The following MREG variants were observed in gnomAD, a reference collection of about 807,000 sequenced individuals.
MREG encodes dilute suppressor protein homolog.
Under a neutral mutation model 28.5 loss-of-function variants are expected in MREG, and 31 were observed. That is an observed-to-expected ratio of 1.09 (90% CI 0.82 to 1.47). MREG has a LOEUF of 1.47. Ranked by LOEUF, MREG falls within the 40% of genes most tolerant of loss-of-function variation. The probability of loss-of-function intolerance (pLI) is 0.00; values close to 1 mark genes in which losing one functional copy is unlikely to be tolerated. For synonymous variants in MREG, 106 were observed against 95.2 expected (o/e 1.11, Z -0.66); for missense variants, 256 against 257.4 (o/e 0.99, Z 0.04).
chr2:215,949,725 C>A (rs1201013178), intron 2 of MREG, among the ~76,000 whole-genome samples: 2 of 152,164 alleles, frequency 1.3e-5, no homozygotes, highest in Non-Finnish European at 2.9e-5. Context: ...ATTATTTCAT[C>A]TTTCTGGATG....
At chr2:215,994,826 T>C (rs1693822812) in intron 2 of MREG, among the ~76,000 whole-genome samples, 2 of 152,154 alleles carry the variant, frequency 1.3e-5, no homozygotes, top group South Asian at 4.1e-4. Context: ...AGCTGCCAAA[T>C]TCAGCTCCAG....
chr2:216,026,974 G>A (rs1183305668), intron 1 of MREG, among the ~76,000 whole-genome samples: 1 of 152,166 alleles, frequency 6.6e-6, no homozygotes, highest in Non-Finnish European at 1.5e-5. Context: ...TTAAACATGA[G>A]AGATAACTTC....
intron 2 of MREG, among the ~76,000 whole-genome samples, chr2:215,979,322 G>A (rs1409329201): frequency 6.6e-6 from 1 of 151,808 alleles, no homozygotes; most frequent in Non-Finnish European, 1.5e-5. Context: ...AATTAGCCGG[G>A]CATGGTGGCG....
intron 1 of MREG, among the ~76,000 whole-genome samples, chr2:216,020,028 A>G (rs1295449990): frequency 6.6e-6 from 1 of 152,184 alleles, no homozygotes. Flanking sequence ...CAGGGAGGAA[A>G]AAAAAACACA....
chr2:216,028,650 T>C (rs564209849), intron 1 of MREG, among the ~76,000 whole-genome samples: 1 of 152,196 alleles, frequency 6.6e-6, no homozygotes, highest in African/African-American at 2.4e-5. Context: ...TTTCCAGTAA[T>C]TGTGTATTTA....
At position 215,942,834 on chromosome 2, in the gene MREG, T is replaced by C. The variant is rs935803121; in HGVS notation, c.*2029A>G. 1 of 152,626 alleles carries C rather than the reference T, an allele frequency of 6.6e-6. No homozygotes were observed. The highest frequency in any genetic ancestry group is 2.4e-5 in the African/African-American group (1 of 41,476). 9.5% of individuals were successfully genotyped at this position (152,626 alleles called of 1,614,324 possible). A position where few individuals can be genotyped will look rare whatever the true frequency, so the allele number is the denominator to read the frequency against. ...TTATTTATTTTATTGTTTGTTTCAC[T>C]GTTTGAATGTTTATCTTGCGAGAGT... On this transcript the variant is annotated 3_prime_UTR_variant, in exon 5 of 5. Transcript: ENST00000263268.
intron 1 of MREG, among the ~76,000 whole-genome samples, chr2:216,011,555 A>G (rs778476511): frequency 4.6e-5 from 7 of 152,228 alleles, no homozygotes; most frequent in Non-Finnish European, 8.8e-5. Flanking sequence ...AAATAATTTT[A>G]ATAACTTGTG....
chr2:215,992,182 A>G (rs1693736789), intron 2 of MREG, among the ~76,000 whole-genome samples: 1 of 152,246 alleles, frequency 6.6e-6, no homozygotes, highest in African/African-American at 2.4e-5. Context: ...GCAGCACATC[A>G]AAAAGCTTAT....
At chr2:216,026,413 T>C (rs778398024) in intron 1 of MREG, among the ~76,000 whole-genome samples, 11 of 152,214 alleles carry the variant, frequency 7.2e-5, no homozygotes, top group Admixed American at 1.3e-4. Context: ...TTGCCCAGGC[T>C]GGAGTGCAGT....
At chr2:215,994,803 C>T (rs1164753561) in intron 2 of MREG, among the ~76,000 whole-genome samples, 3 of 152,122 alleles carry the variant, frequency 2.0e-5, no homozygotes, top group Non-Finnish European at 4.4e-5. Flanking sequence ...AAGGTGGGAG[C>T]TCCTCCAGGG....
At chr2:215,949,075 C>CTAATAATAATAA (rs749047005) in intron 2 of MREG, among the ~76,000 whole-genome samples, 2 of 102,506 alleles carry the variant, frequency 2.0e-5, no homozygotes, top group East Asian at 2.7e-4. Flanking sequence ...ACTACTACTA[C>CTAATAATAATAA]TACTACTACT....
intron 1 of MREG, among the ~76,000 whole-genome samples, chr2:216,030,575 G>A (rs925514228): frequency 6.6e-6 from 1 of 151,426 alleles, no homozygotes; most frequent in African/African-American, 2.4e-5. Flanking sequence ...ACGGGGTCTC[G>A]CCCTGTCACC....
intron 2 of MREG, among the ~76,000 whole-genome samples, chr2:215,977,984 A>G (rs1354642682): frequency 6.6e-6 from 1 of 152,180 alleles, no homozygotes; most frequent in African/African-American, 2.4e-5. Flanking sequence ...GAGAAACAAG[A>G]GCAAACAAAT....
chr2:215,956,455 A>G (rs1394683543), intron 2 of MREG, among the ~76,000 whole-genome samples: 1 of 152,178 alleles, frequency 6.6e-6, no homozygotes, highest in Non-Finnish European at 1.5e-5. Context: ...GGTAGGTGAT[A>G]CAGAAAATAA....
At chr2:215,966,665 G>A (rs1438869576) in intron 2 of MREG, among the ~76,000 whole-genome samples, 9 of 147,624 alleles carry the variant, frequency 6.1e-5, no homozygotes, top group East Asian at 2.0e-4. Flanking sequence ...GCAGTGGCAC[G>A]ATCTCGGCTC....
rs896987101 is a variant in MREG at position 215,944,326 on chromosome 2, A to T, written c.*537T>A. 5 of 152,256 alleles carry T rather than the reference A, an allele frequency of 3.3e-5. No homozygotes were observed. Among genetic ancestry groups the T allele is most frequent in the African/African-American group, 1.2e-4 (5 of 41,434 alleles). 9.4% of individuals were successfully genotyped at this position (152,256 alleles called of 1,614,324 possible). A position where few individuals can be genotyped will look rare whatever the true frequency, so the allele number is the denominator to read the frequency against. On this transcript the variant is annotated 3_prime_UTR_variant, in exon 5 of 5. Transcript: ENST00000263268. ...GATACATCTATACTTCTGAATAATC[A>T]TAACTGATACTCAAAGAGATGCCCT...
At chr2:215,995,293 A>G (rs1574638025) in intron 2 of MREG, among the ~76,000 whole-genome samples, 1 of 152,322 alleles carries the variant, frequency 6.6e-6, no homozygotes, top group Non-Finnish European at 1.5e-5. Flanking sequence ...AGCAGAGGCA[A>G]CTGCCGGCCC....
chr2:215,974,764 C>T (rs1170840716), intron 2 of MREG, among the ~76,000 whole-genome samples: 2 of 151,316 alleles, frequency 1.3e-5, no homozygotes, highest in Non-Finnish European at 2.9e-5. Context: ...GCTTTATCTA[C>T]TCTGGTGAAA....
chr2:215,975,354 T>C (rs1455566803), intron 2 of MREG, among the ~76,000 whole-genome samples: 1 of 152,210 alleles, frequency 6.6e-6, no homozygotes, highest in Non-Finnish European at 1.5e-5. Flanking sequence ...CTTTTGCCTT[T>C]CATAACCATA....
Sources: gnomAD v4.1 joint callset for allele counts (sites outside exome capture counted in the v4.1 genomes callset) on GRCh38, gnomAD v4.1.1 for gene constraint, MANE v1.5 for transcripts, NCBI Gene and HGNC (gene_info 2026-07-23, HGNC 2026-07-21) for gene names.